The following CFAP276 variants were observed in gnomAD, a reference collection of about 807,000 sequenced individuals.
The protein encoded by CFAP276 is cilia and flagella associated protein 276, also known as cilia- and flagella-associated protein 276.
At chr1:109,107,123 C>A in the CFAP276 span, 1 of 1,613,282 alleles carries the variant, frequency 6.2e-7, no homozygotes, top group Non-Finnish European at 8.5e-7. Flanking sequence ...CCTTTGGTAT[C>A]TACAGAAGTC....
chr1:109,106,991 T>C, the CFAP276 span: 2 of 1,572,680 alleles, frequency 1.3e-6, no homozygotes, highest in South Asian at 2.2e-5. Flanking sequence ...GGAGAGGCTC[T>C]GCCTCTACCA....
At chr1:109,109,946 G>A in the CFAP276 span, among the ~76,000 whole-genome samples, 5 of 152,264 alleles carry the variant, frequency 3.3e-5, no homozygotes, top group South Asian at 1.0e-3. Flanking sequence ...CATAGGCTCA[G>A]TTGTCCTTTG....
chr1:109,112,785 G>T, the CFAP276 span: 3 of 1,487,726 alleles, frequency 2.0e-6, no homozygotes, highest in Non-Finnish European at 2.7e-6. Context: ...CGCTGGTTTC[G>T]GTTGCCAGGC....
chr1:109,106,003 T>G, the CFAP276 span: 30 of 1,585,086 alleles, frequency 1.9e-5, 1 homozygote, highest in Middle Eastern at 1.7e-4. Flanking sequence ...TGTTTCACTA[T>G]AATTAGTTCA....
the CFAP276 span, among the ~76,000 whole-genome samples, chr1:109,111,663 T>G: frequency 1.3e-5 from 2 of 152,122 alleles, no homozygotes; most frequent in Non-Finnish European, 2.9e-5. Flanking sequence ...AGCCATTCTC[T>G]CTCTCCTTTC....
the CFAP276 span, chr1:109,112,867 C>A: frequency 1.1e-6 from 1 of 950,530 alleles, no homozygotes; most frequent in Non-Finnish European, 1.5e-6. Context: ...CCACGGGAGG[C>A]CCCTGGGGAG....
chr1:109,113,754 G>T, the CFAP276 span: 1 of 1,520,018 alleles, frequency 6.6e-7, no homozygotes, highest in Non-Finnish European at 9.1e-7. Context: ...CGAAAGGGCA[G>T]TAGAAAACGG....
chr1:109,106,140 C>A, the CFAP276 span: 1 of 1,541,110 alleles, frequency 6.5e-7, no homozygotes, highest in Non-Finnish European at 8.9e-7. Flanking sequence ...AATTTCAGAT[C>A]GTTGGCCTTT....
the CFAP276 span, chr1:109,106,955 T>C: frequency 1.4e-6 from 2 of 1,391,158 alleles, no homozygotes; most frequent in South Asian, 1.2e-5. Context: ...TTACCTTATA[T>C]GACTGGATGG....
At chr1:109,113,451 A>AGAGAGAGT in the CFAP276 span, among the ~76,000 whole-genome samples, 11 of 120,450 alleles carry the variant, frequency 9.1e-5, no homozygotes, top group East Asian at 3.5e-3. Flanking sequence ...AGAGAGAGAG[A>AGAGAGAGT]GAGAGAGAGA....
the CFAP276 span, among the ~76,000 whole-genome samples, chr1:109,110,284 T>A: frequency 1.3e-5 from 2 of 152,178 alleles, no homozygotes; most frequent in Non-Finnish European, 2.9e-5. Context: ...ACCAGACCTT[T>A]TCAGGAGTCA....
chr1:109,107,881 A>G, the CFAP276 span: 2 of 1,523,940 alleles, frequency 1.3e-6, no homozygotes, highest in Non-Finnish European at 1.8e-6. Context: ...AAAAAGCCCT[A>G]AACGGCTGCA....
At chr1:109,106,657 G>T in the CFAP276 span, 1 of 1,613,780 alleles carries the variant, frequency 6.2e-7, no homozygotes, top group Non-Finnish European at 8.5e-7. Context: ...TTGGATCTTG[G>T]TTCTAGAAGA....
chr1:109,112,498 T>A, the CFAP276 span: 8 of 1,442,308 alleles, frequency 5.5e-6, no homozygotes, highest in Non-Finnish European at 7.4e-6. Context: ...CGACTGAGTG[T>A]CTTCACCAGA....
At chr1:109,111,392 C>A in the CFAP276 span, among the ~76,000 whole-genome samples, 1 of 151,792 alleles carries the variant, frequency 6.6e-6, no homozygotes, top group Non-Finnish European at 1.5e-5. Flanking sequence ...ATTGCTTGAG[C>A]CCAGGAGTTC....
At chr1:109,113,569 G>T in the CFAP276 span, 1 of 1,554,292 alleles carries the variant, frequency 6.4e-7, no homozygotes, top group East Asian at 2.3e-5. Context: ...GGTTGTAAAA[G>T]CACGGATGGA....
the CFAP276 span, among the ~76,000 whole-genome samples, chr1:109,111,204 T>C: frequency 2.0e-5 from 3 of 152,222 alleles, no homozygotes; most frequent in African/African-American, 7.2e-5. Context: ...CCATGGCTCA[T>C]GCCTGTAATC....
the CFAP276 span, chr1:109,112,475 C>T: frequency 7.3e-7 from 1 of 1,364,344 alleles, no homozygotes; most frequent in Non-Finnish European, 9.7e-7. Context: ...AGAAAACAGA[C>T]TTCCCTGGTA....
the CFAP276 span, chr1:109,112,772 G>A: frequency 1.3e-6 from 2 of 1,507,322 alleles, no homozygotes; most frequent in Non-Finnish European, 1.8e-6. Context: ...CAATTGTTTG[G>A]AGCGCTGGTT....
Sources: gnomAD v4.1 joint callset for allele counts (sites outside exome capture counted in the v4.1 genomes callset) on GRCh38, gnomAD v4.1.1 for gene constraint, MANE v1.5 for transcripts, NCBI Gene and HGNC (gene_info 2026-07-23, HGNC 2026-07-21) for gene names.